The following SPRYD7 variants were observed in gnomAD, a reference collection of about 807,000 sequenced individuals.
SPRYD7 encodes the protein SPRY domain-containing protein 7.
In SPRYD7, 14 loss-of-function variants were observed where a neutral mutation model predicts 23.8. The observed-to-expected ratio is 0.59, with a 90% confidence interval of 0.39 to 0.92. The LOEUF is 0.92. Among genes scored for constraint, SPRYD7 ranks in the 40% least tolerant of loss-of-function variants. The probability of loss-of-function intolerance (pLI) is 0.00; values close to 1 mark genes in which losing one functional copy is unlikely to be tolerated. For missense variants in SPRYD7, 194 were observed against 241.7 expected (o/e 0.80, Z 1.31); for synonymous variants, 75 against 84.9 (o/e 0.88, Z 0.64).
intron 1 of SPRYD7, 69 bp downstream of exon 1, chr13:49,936,061 T>G: frequency 4.6e-6 from 4 of 860,354 alleles, no homozygotes; most frequent in Non-Finnish European, 6.5e-6. Flanking sequence ...CCTCTGACCC[T>G]GAAGGTCCCC....
At chr13:49,920,217 C>T (rs1955802630) in intron 4 of SPRYD7, among the ~76,000 whole-genome samples, 1 of 151,866 alleles carries the variant, frequency 6.6e-6, no homozygotes, top group African/African-American at 2.4e-5. Context: ...GGCCACTGCA[C>T]TCCAGCCTGG....
Position 49,931,089 on chromosome 13 carries a change from GT to G in SPRYD7, c.151del (p.Thr51GlnfsTer5). 1 of 1,613,372 alleles carries G rather than the reference GT, an allele frequency of 6.2e-7. No individual in the cohort carries two copies. The highest frequency in any genetic ancestry group is 8.5e-7 in the Non-Finnish European group (1 of 1,179,618). ...IVKNGRRICG[T>X]GGCLASAPLH... is the part of the protein sequence containing the mutation. Reference sequence around the variant, plus strand: ...AGGTGCGCTGGCTAAACAACCTCCTGTTCCACATATTCTTCTTCCATTCTTT... The same window carrying G: ...AGGTGCGCTGGCTAAACAACCTCCTGTCCACATATTCTTCTTCCATTCTTT... On this transcript the variant is annotated frameshift_variant, in exon 2 of 5. Transcript: ENST00000361840. LOFTEE classifies it high-confidence loss of function.
At position 49,914,994 on chromosome 13, in the gene SPRYD7, G is replaced by A; in HGVS notation, c.*69C>T. ...AGAATATATTTTCATCTATAGGCCA[G>A]GTAAAGTTTTATTAAATGATGAACA... is the stretch of plus-strand genomic sequence containing the variant. On this transcript the variant is annotated 3_prime_UTR_variant, in exon 5 of 5. Coordinates refer to ENST00000361840, the MANE Select transcript of SPRYD7 (RefSeq NM_020456.4). 2.3e-6 allele frequency: 2 copies of A among 857,922 alleles called. No individual in the cohort carries two copies. The highest frequency in any genetic ancestry group is 1.7e-5 in the African/African-American group (1 of 57,634). 53.1% of individuals were successfully genotyped at this position (857,922 alleles called of 1,614,324 possible). A position where few individuals can be genotyped will look rare whatever the true frequency, so the allele number is the denominator to read the frequency against.
intron 1 of SPRYD7, among the ~76,000 whole-genome samples, 161 bp downstream of exon 1, chr13:49,935,969 G>C (rs1413008326): frequency 6.6e-6 from 1 of 152,108 alleles, no homozygotes; most frequent in East Asian, 1.9e-4. Context: ...GGCCCAGGTG[G>C]AGTCCGCCGG....
chr13:49,920,635 T>A (rs934898763), intron 4 of SPRYD7, among the ~76,000 whole-genome samples: 15 of 152,144 alleles, frequency 9.9e-5, no homozygotes, highest in Non-Finnish European at 5.9e-5. Flanking sequence ...CAAAGTGGGA[T>A]TGTAATATCC....
chr13:49,936,091 C>G (rs752671749), intron 1 of SPRYD7, 39 bp downstream of exon 1: 6 of 1,494,242 alleles, frequency 4.0e-6, no homozygotes, highest in Non-Finnish European at 4.5e-6. Flanking sequence ...GCGCCCGGCC[C>G]CCGTGAGCCG....
chr13:49,919,396 T>C (rs1955790490), intron 4 of SPRYD7, among the ~76,000 whole-genome samples: 1 of 152,054 alleles, frequency 6.6e-6, no homozygotes, highest in African/African-American at 2.4e-5. Flanking sequence ...ATACAAAAAT[T>C]AGCTGGGTGT....
intron 2 of SPRYD7, among the ~76,000 whole-genome samples, chr13:49,929,794 C>CTT (rs543081981): frequency 2.9e-5 from 4 of 138,382 alleles, no homozygotes; most frequent in African/African-American, 2.7e-5. Context: ...CGCCCAGCCA[C>CTT]TTTTTTTTTT....
chr13:49,913,065 G>A lies in SPRYD7; in HGVS notation c.*1998C>T, dbSNP rs1421044128. On this transcript the variant is annotated 3_prime_UTR_variant, in exon 5 of 5. Transcript: ENST00000361840. ...ATTTGGTGGGTCTGGTGTGGGTTCT[G>A]AGAGTGTCCATTTTTAACAAGTTCC... 1 of 152,166 alleles carries A rather than the reference G, an allele frequency of 6.6e-6. No individual in the cohort carries two copies. Among genetic ancestry groups the A allele is most frequent in the Non-Finnish European group, 1.5e-5 (1 of 68,036 alleles). 9.4% of individuals were successfully genotyped at this position (152,166 alleles called of 1,614,324 possible). A position where few individuals can be genotyped will look rare whatever the true frequency, so the allele number is the denominator to read the frequency against.
rs1458556053 is a variant in SPRYD7, at chr13:49,914,613, C to G, written c.*450G>C. The G allele has an allele frequency of 6.6e-6, 1 of 152,540 alleles. No individual in the cohort carries two copies. The highest frequency in any genetic ancestry group is 1.5e-5 in the Non-Finnish European group (1 of 68,018). The allele number at this position is 152,540 out of a possible 1,614,324, so 9.4% of individuals were successfully genotyped here. Reference sequence around the variant, plus strand: ...GAAATTGCCAGTAATATAAATTTCTCTCACTTTGTTATATTGTATATAAAA... The same window carrying G: ...GAAATTGCCAGTAATATAAATTTCTGTCACTTTGTTATATTGTATATAAAA... On this transcript the variant is annotated 3_prime_UTR_variant, in exon 5 of 5. Coordinates refer to ENST00000361840, the MANE Select transcript of SPRYD7 (RefSeq NM_020456.4).
At chr13:49,919,746 AG>A (rs1436699002) in intron 4 of SPRYD7, among the ~76,000 whole-genome samples, 4 of 148,384 alleles carry the variant, frequency 2.7e-5, no homozygotes, top group African/African-American at 7.5e-5. Context: ...AAAAAAAAAA[AG>A]TTGATAGTAT....
At chr13:49,921,309 G>C in intron 4 of SPRYD7, 169 bp downstream of exon 4, 1 of 453,740 alleles carries the variant, frequency 2.2e-6, no homozygotes, top group Non-Finnish European at 4.0e-6. Context: ...ATGATTGTAA[G>C]TTTCCTGAGG....
In SPRYD7 at chr13:49,914,182, T is replaced by C. The variant is rs1252933825; in HGVS notation, c.*881A>G. 1.3e-5 allele frequency: 2 copies of C among 153,782 alleles called. No individual in the cohort carries two copies. The highest frequency in any genetic ancestry group is 4.8e-5 in the African/African-American group (2 of 41,468). 9.5% of individuals were successfully genotyped at this position (153,782 alleles called of 1,614,324 possible). A position where few individuals can be genotyped will look rare whatever the true frequency, so the allele number is the denominator to read the frequency against. Reference sequence around the variant, plus strand: ...AAAGACTCAGGGTCATGAAGAGGATTCACTTATCTCTGAACTGAAATAATC... The same window carrying C: ...AAAGACTCAGGGTCATGAAGAGGATCCACTTATCTCTGAACTGAAATAATC... On this transcript the variant is annotated 3_prime_UTR_variant, in exon 5 of 5. Coordinates refer to ENST00000361840, the MANE Select transcript of SPRYD7 (RefSeq NM_020456.4).
In SPRYD7 at chr13:49,931,172, T is replaced by C. The variant is rs748514566; in HGVS notation, c.107-38A>G. On this transcript the variant is annotated intron_variant, in intron 1 of 4. Coordinates refer to ENST00000361840, the MANE Select transcript of SPRYD7 (RefSeq NM_020456.4). ...TGCAGACACTATGTAAAGTTTTGTA[T>C]TTTCTTTTCTTTTCTTTTCTTTTTT... 4 of 1,157,584 alleles carry C rather than the reference T, an allele frequency of 3.5e-6. No individual in the cohort carries two copies. In the African/African-American group the frequency reaches 4.7e-5, roughly 14 times the overall value. 71.7% of individuals were successfully genotyped at this position (1,157,584 alleles called of 1,614,324 possible). A position where few individuals can be genotyped will look rare whatever the true frequency, so the allele number is the denominator to read the frequency against.
chr13:49,932,651 C>T (rs955890582), intron 1 of SPRYD7, among the ~76,000 whole-genome samples: 3 of 152,098 alleles, frequency 2.0e-5, no homozygotes, highest in Non-Finnish European at 2.9e-5. Flanking sequence ...TCTGAATATT[C>T]GAACTGTATG....
At chr13:49,935,971 G>A (rs1029778946) in intron 1 of SPRYD7, among the ~76,000 whole-genome samples, 159 bp downstream of exon 1, 4 of 152,142 alleles carry the variant, frequency 2.6e-5, no homozygotes, top group African/African-American at 7.2e-5. Flanking sequence ...CCCAGGTGGA[G>A]TCCGCCGGCT....
At chr13:49,932,490 A>T (rs1430896305) in intron 1 of SPRYD7, among the ~76,000 whole-genome samples, 1 of 152,230 alleles carries the variant, frequency 6.6e-6, no homozygotes, top group Non-Finnish European at 1.5e-5. Context: ...GAAAATGTCT[A>T]TCAGAGAATA....
At position 49,932,778 on chromosome 13, in the gene SPRYD7, T is replaced by G. The variant is rs1022401273; in HGVS notation, c.107-1644A>C. 5.3e-5 allele frequency among the ~76,000 whole-genome samples: 8 copies of G among 152,334 alleles called. 1 individual carries two copies. Among genetic ancestry groups the G allele is most frequent in the African/African-American group, 1.9e-4 (8 of 41,582 alleles). On this transcript the variant is annotated intron_variant, in intron 1 of 4. Coordinates refer to ENST00000361840, the MANE Select transcript of SPRYD7 (RefSeq NM_020456.4). Reference sequence around the variant, plus strand: ...AAAGAAATGCAAAATTTTCAGATTCTAACACAATTCTAAACTGGTTAAGAG... The same window carrying G: ...AAAGAAATGCAAAATTTTCAGATTCGAACACAATTCTAAACTGGTTAAGAG...
chr13:49,915,250 CA>C (rs1955740084), intron 4 of SPRYD7, 90 bp from the exon 5 acceptor site: 1 of 522,868 alleles, frequency 1.9e-6, no homozygotes, highest in Non-Finnish European at 3.4e-6. Flanking sequence ...AAACTGTCTC[CA>C]TAATACTACA....
Sources: allele counts gnomAD v4.1 joint callset (sites outside exome capture counted in the v4.1 genomes callset), GRCh38; gene constraint gnomAD v4.1.1; transcripts MANE v1.5; gene names NCBI Gene and HGNC (gene_info 2026-07-23, HGNC 2026-07-21).